The following NALCN variants were observed in gnomAD, a reference collection of about 807,000 sequenced individuals.
The protein encoded by NALCN is sodium leak channel, non-selective, also known as sodium leak channel NALCN.
A neutral mutation model predicts 225.3 loss-of-function variants in NALCN; 111 were observed. That is an observed-to-expected ratio of 0.49 (90% confidence interval 0.42 to 0.58). NALCN has a LOEUF of 0.58. Among genes scored for constraint, NALCN ranks in the 20% least tolerant of loss-of-function variants. The probability of loss-of-function intolerance (pLI) is 0.00; values close to 1 mark genes in which losing one functional copy is unlikely to be tolerated. For synonymous variants in NALCN, 764 were observed against 769.0 expected, an observed-to-expected ratio of 0.99 and a Z score of 0.11; for missense variants, 1,378 against 2,202.4, an observed-to-expected ratio of 0.63 and a Z score of 7.49.
rs1175670251 is a variant in NALCN at position 101,226,739 on chromosome 13, A to G, written c.1626+2654T>C. Among the ~76,000 whole-genome samples, 3 of 152,092 alleles carry G rather than the reference A, an allele frequency of 2.0e-5. No homozygotes were observed. The East Asian group carries it at 5.8e-4, about 29-fold the overall frequency. ...CATGGTGCATGACCAGGGCACTGCC[A>G]TTTCTGGAGGGACTTGCAATTTATG... On this transcript the variant is annotated intron_variant, in intron 13 of 43. Transcript: ENST00000251127.
chr13:101,353,706 T>A (rs77755819), intron 6 of NALCN, among the ~76,000 whole-genome samples: 4,905 of 152,246 alleles, frequency 0.032, 268 homozygotes, highest in African/African-American at 0.11. Flanking sequence ...AGTATTTTAA[T>A]ATGATTTTCC....
At chr13:101,180,267 T>TG (rs2039146535) in intron 14 of NALCN, 2 of 143,860 alleles carry the variant, frequency 1.4e-5, no homozygotes, top group Admixed American at 1.5e-4. Context: ...AGTGCAGTGG[T>TG]GTGATCTCAA....
intron 12 of NALCN, among the ~76,000 whole-genome samples, chr13:101,237,054 T>C (rs1256187428): frequency 6.6e-6 from 1 of 151,902 alleles, no homozygotes; most frequent in Non-Finnish European, 1.5e-5. Context: ...AGACATATTT[T>C]ATCATTTTGA....
In NALCN at chr13:101,254,839, C is replaced by A. The variant is rs1274127603; in HGVS notation, c.1266+3604G>T. 4.9e-4 allele frequency among the ~76,000 whole-genome samples: 30 copies of A among 61,762 alleles called. 4 individuals are homozygous for A. The highest frequency in any genetic ancestry group is 1.4e-3 in the Admixed American group (8 of 5,712). The allele number at this position is 61,762 out of a possible 152,430, so 40.5% of individuals were successfully genotyped here. Reference sequence around the variant, plus strand: ...CCGGGAGGCGGAGCTTGCAGTGAGCCGAGATCCCGCCACTGCACTCCAGCC... The same window carrying A: ...CCGGGAGGCGGAGCTTGCAGTGAGCAGAGATCCCGCCACTGCACTCCAGCC... On this transcript the variant is annotated intron_variant, in intron 11 of 43. Coordinates refer to ENST00000251127, the MANE Select transcript of NALCN (RefSeq NM_052867.4).
chr13:101,169,456 A>AT (rs2038610696), intron 15 of NALCN, among the ~76,000 whole-genome samples: 1 of 152,244 alleles, frequency 6.6e-6, no homozygotes, highest in Non-Finnish European at 1.5e-5. Context: ...CTATCAAACC[A>AT]TCATCTATGT....
intron 18 of NALCN, chr13:101,117,156 T>C (rs2035757266): frequency 5.8e-6 from 2 of 341,924 alleles, no homozygotes; most frequent in Non-Finnish European, 1.2e-5. Context: ...AATGTTTTCA[T>C]AGAAAGGCAT....
chr13:101,124,800 CA>C, intron 17 of NALCN, 119 bp from the exon 18 acceptor site: 1 of 886,656 alleles, frequency 1.1e-6, no homozygotes, highest in Non-Finnish European at 1.8e-6. Flanking sequence ...GCTAAAGCAT[CA>C]TCGTACAATT....
chr13:101,367,905 T>G (rs893397186), intron 6 of NALCN, among the ~76,000 whole-genome samples: 4 of 152,132 alleles, frequency 2.6e-5, no homozygotes, highest in Non-Finnish European at 4.4e-5. Context: ...TTCTCTGCTT[T>G]CACGGTTTGT....
At chr13:101,149,020 G>A (rs1413646076) in intron 15 of NALCN, among the ~76,000 whole-genome samples, 1 of 152,172 alleles carries the variant, frequency 6.6e-6, no homozygotes, top group Non-Finnish European at 1.5e-5. Context: ...TAGGCTGGGC[G>A]CAGTGGCTCA....
chr13:101,389,864 C>G (rs545028022), intron 3 of NALCN, among the ~76,000 whole-genome samples: 1 of 152,296 alleles, frequency 6.6e-6, no homozygotes, highest in African/African-American at 2.4e-5. Flanking sequence ...GGCGAATCAC[C>G]TGAGGTCAGG....
rs375451636 is a variant in NALCN, at chr13:101,360,192, C to T, written c.645-14772G>A. Among the ~76,000 whole-genome samples the T allele has an allele frequency of 1.6e-3, 52 of 33,492 alleles. No homozygotes were observed. The African/African-American group carries it at 0.025, about 16-fold the overall frequency. The allele number at this position is 33,492 out of a possible 152,430, so 22.0% of individuals were successfully genotyped here. ...TTTCTTCCTCTCTTCCTCTCTTCCT[C>T]TCTCTCTCTCTCTCTCTCTCTCTCT... On this transcript the variant is annotated intron_variant, in intron 6 of 43. Transcript: ENST00000251127.
At chr13:101,071,975 A>G (rs1418112443) in intron 37 of NALCN, among the ~76,000 whole-genome samples, 1 of 152,194 alleles carries the variant, frequency 6.6e-6, no homozygotes. Context: ...GCCCAAGAAA[A>G]GAGAGAAGAG....
chr13:101,388,229 C>T (rs1225631939), intron 3 of NALCN, among the ~76,000 whole-genome samples: 6 of 152,048 alleles, frequency 3.9e-5, no homozygotes, highest in South Asian at 2.1e-4. Context: ...TTAACTAAAA[C>T]GTTAGCTAGC....
At chr13:101,344,828 G>A (rs2045665209) in intron 7 of NALCN, among the ~76,000 whole-genome samples, 1 of 152,094 alleles carries the variant, frequency 6.6e-6, no homozygotes, top group Non-Finnish European at 1.5e-5. Context: ...TAATCAAGGA[G>A]CACTTTTCAG....
chr13:101,125,494 C>T (rs2036187621), intron 17 of NALCN, among the ~76,000 whole-genome samples: 2 of 152,144 alleles, frequency 1.3e-5, no homozygotes, highest in Non-Finnish European at 2.9e-5. Context: ...TTACTGAGCA[C>T]TTAGCATGAT....
chr13:101,259,102 A>C (rs1172565927), intron 10 of NALCN, among the ~76,000 whole-genome samples: 1 of 152,100 alleles, frequency 6.6e-6, no homozygotes, highest in African/African-American at 2.4e-5. Context: ...CATGTACATC[A>C]TACTTGCTCT....
At chr13:101,257,392 C>T (rs989739035) in intron 11 of NALCN, among the ~76,000 whole-genome samples, 10 of 152,000 alleles carry the variant, frequency 6.6e-5, no homozygotes, top group Admixed American at 2.0e-4. Context: ...TTGATATCCA[C>T]GTAGATGTCT....
chr13:101,073,602 C>T lies in NALCN; in HGVS notation c.4179G>A (p.Lys1393=). 3 of 1,613,502 alleles carry T rather than the reference C, an allele frequency of 1.9e-6. No individual in the cohort carries two copies. Among genetic ancestry groups the T allele is most frequent in the South Asian group, 1.1e-5 (1 of 91,000 alleles). ...TATTTACCATACAGTCATGCATAAT[C>T]TTGTTCCAGTCTTCACCTGTGACAA... ...FRIVTGEDWN[K]IMHDCMVQPP... The change falls in exon 37 of 44, where the codon AAG becomes AAA. Residue 1393 remains lysine (K), a synonymous_variant. Coordinates refer to ENST00000251127, the MANE Select transcript of NALCN (RefSeq NM_052867.4).
intron 12 of NALCN, 74 bp from the exon 13 acceptor site, chr13:101,229,658 C>G: frequency 8.4e-7 from 1 of 1,190,086 alleles, no homozygotes; most frequent in Non-Finnish European, 1.1e-6. Context: ...TATATTCATA[C>G]TAAAATATTA....
Sources: gnomAD v4.1 joint callset for allele counts (sites outside exome capture counted in the v4.1 genomes callset) on GRCh38, gnomAD v4.1.1 for gene constraint, MANE v1.5 for transcripts, NCBI Gene and HGNC (gene_info 2026-07-23, HGNC 2026-07-21) for gene names.